Variants in FSTL4 observed in about 807,000 individuals in gnomAD.
The protein encoded by FSTL4 is follistatin-related protein 4.
FSTL4 carries 28 observed loss-of-function variants against 78.2 expected under a neutral mutation model. The observed-to-expected ratio is 0.36, with a 90% CI of 0.27 to 0.49. The LOEUF (loss-of-function observed/expected upper bound fraction) is 0.49, where lower values mean the gene tolerates loss of function less well. Among genes scored for constraint, FSTL4 ranks in the 20% least tolerant of loss-of-function variants. The pLI is 0.98. For synonymous variants in FSTL4, 422 were observed against 440.5 expected (o/e 0.96, Z 0.53); for missense variants, 922 against 1,084.9 (o/e 0.85, Z 2.11).
chr5:133,638,905 A>G, the FSTL4 span, among the ~76,000 whole-genome samples: 1 of 127,098 alleles, frequency 7.9e-6, no homozygotes, highest in African/African-American at 3.1e-5. Context: ...GTATTTCTCT[A>G]TTGACATGTA....
chr5:133,480,423 T>C (rs957349730), intron 3 of FSTL4, among the ~76,000 whole-genome samples: 4 of 152,192 alleles, frequency 2.6e-5, no homozygotes, highest in African/African-American at 9.7e-5. Flanking sequence ...TTCATGGTCA[T>C]CCTGCGGCAC....
At chr5:133,670,465 G>A in the FSTL4 span, among the ~76,000 whole-genome samples, 1 of 152,234 alleles carries the variant, frequency 6.6e-6, no homozygotes, top group Non-Finnish European at 1.5e-5. Flanking sequence ...ACACTGGACT[G>A]GGGCATCATT....
chr5:133,597,199 CAGA>C (rs982058728), intron 2 of FSTL4, among the ~76,000 whole-genome samples: 2 of 152,212 alleles, frequency 1.3e-5, no homozygotes, highest in African/African-American at 4.8e-5. Flanking sequence ...GCCATGGAGG[CAGA>C]AGGACAATGG....
intron 6 of FSTL4, among the ~76,000 whole-genome samples, chr5:133,279,933 G>C (rs1329828312): frequency 2.0e-5 from 3 of 152,240 alleles, no homozygotes; most frequent in Admixed American, 2.0e-4. Context: ...GAGGCCCTGT[G>C]AAGATGGAGG....
the FSTL4 span, among the ~76,000 whole-genome samples, chr5:133,818,575 A>C: frequency 6.6e-6 from 1 of 152,064 alleles, no homozygotes; most frequent in Admixed American, 6.5e-5. Context: ...CCACAGAAAC[A>C]CACTGCCAGA....
chr5:133,810,689 G>A, the FSTL4 span, among the ~76,000 whole-genome samples: 2 of 152,122 alleles, frequency 1.3e-5, no homozygotes, highest in East Asian at 1.9e-4. Flanking sequence ...CCAAAGATTC[G>A]TTGGACCAGG....
rs1254145237 is a variant in FSTL4 at position 133,370,243 on chromosome 5, G to A, written c.409+30495C>T. On this transcript the variant is annotated intron_variant, in intron 4 of 15. Coordinates refer to ENST00000265342, the MANE Select transcript of FSTL4 (RefSeq NM_015082.2). ...TTCTGCCCAGAGTTCTCTGCTTGTCGCTGAGGAAATGACAAGGTCGCTTGG... is the reference window on the plus strand; with the variant it reads ...TTCTGCCCAGAGTTCTCTGCTTGTCACTGAGGAAATGACAAGGTCGCTTGG... Among the ~76,000 whole-genome samples, 6 of 152,244 alleles carry A rather than the reference G, an allele frequency of 3.9e-5. No homozygotes were observed. The East Asian group carries it at 5.8e-4, about 15-fold the overall frequency.
At chr5:133,565,609 G>A (rs545022076) in intron 3 of FSTL4, among the ~76,000 whole-genome samples, 2 of 152,348 alleles carry the variant, frequency 1.3e-5, no homozygotes, top group Non-Finnish European at 2.9e-5. Context: ...CAGCGGTGGA[G>A]AGGTTACAGA....
At chr5:133,461,542 T>TAAAC (rs34238549) in intron 3 of FSTL4, among the ~76,000 whole-genome samples, 41,125 of 151,066 alleles carry the variant, frequency 0.27, 5,923 homozygotes, top group Admixed American at 0.33. Context: ...TTTTACTCCC[T>TAAAC]AAACAAACAA....
At chr5:133,545,256 C>T (rs1759552826) in intron 3 of FSTL4, among the ~76,000 whole-genome samples, 1 of 152,070 alleles carries the variant, frequency 6.6e-6, no homozygotes, top group Non-Finnish European at 1.5e-5. Flanking sequence ...CCTGGTGTGG[C>T]AGTGTTGGGG....
At chr5:133,311,232 A>G (rs1026067884) in intron 6 of FSTL4, among the ~76,000 whole-genome samples, 49 of 152,196 alleles carry the variant, frequency 3.2e-4, no homozygotes, top group African/African-American at 1.1e-3. Flanking sequence ...TTCTGGAAAT[A>G]ATCTCTTTGG....
the FSTL4 span, among the ~76,000 whole-genome samples, chr5:133,675,855 C>T: frequency 6.6e-6 from 1 of 152,172 alleles, no homozygotes; most frequent in Admixed American, 6.5e-5. Flanking sequence ...GAAGGAGTCA[C>T]CATCACTCCT....
the FSTL4 span, among the ~76,000 whole-genome samples, chr5:133,638,080 G>T: frequency 1.3e-5 from 2 of 152,102 alleles, no homozygotes. Context: ...CATCCCTTCA[G>T]TTAATCAGTC....
chr5:133,413,159 A>G (rs182596458), intron 3 of FSTL4, among the ~76,000 whole-genome samples: 11 of 152,270 alleles, frequency 7.2e-5, no homozygotes, highest in African/African-American at 2.6e-4. Flanking sequence ...CTCCCCATGA[A>G]GAACCTTAGA....
the FSTL4 span, among the ~76,000 whole-genome samples, chr5:133,800,324 AG>A: frequency 7.2e-6 from 1 of 138,252 alleles, no homozygotes; most frequent in African/African-American, 2.7e-5. Flanking sequence ...TCTTGCACCA[AG>A]GTTTAGGGCA....
the FSTL4 span, among the ~76,000 whole-genome samples, chr5:133,646,535 C>T: frequency 6.2e-4 from 94 of 152,230 alleles, no homozygotes; most frequent in Non-Finnish European, 7.2e-4. Flanking sequence ...TGGTATGGAA[C>T]TGGTTGGAGG....
At chr5:133,698,372 G>A in the FSTL4 span, among the ~76,000 whole-genome samples, 6 of 152,204 alleles carry the variant, frequency 3.9e-5, no homozygotes, top group African/African-American at 1.2e-4. Flanking sequence ...AGTCATTGTG[G>A]CAATGAAGAG....
At chr5:133,773,478 CAG>C in the FSTL4 span, among the ~76,000 whole-genome samples, 3 of 152,146 alleles carry the variant, frequency 2.0e-5, no homozygotes, top group African/African-American at 7.2e-5. Context: ...AGAGAGAAGA[CAG>C]AGTATTTATT....
intron 4 of FSTL4, among the ~76,000 whole-genome samples, chr5:133,378,904 T>C (rs930326779): frequency 6.6e-6 from 1 of 152,118 alleles, no homozygotes; most frequent in Non-Finnish European, 1.5e-5. Context: ...AAATTTCAAA[T>C]ATAAATCCAA....
Sources: gnomAD v4.1 joint callset for allele counts (sites outside exome capture counted in the v4.1 genomes callset) on GRCh38, gnomAD v4.1.1 for gene constraint, MANE v1.5 for transcripts, NCBI Gene and HGNC (gene_info 2026-07-23, HGNC 2026-07-21) for gene names.